Variants in FMN2 observed in about 807,000 individuals in gnomAD.
FMN2 encodes the protein formin 2, also known as formin-2.
In FMN2, 51 loss-of-function variants were observed where a neutral mutation model predicts 142.3. The ratio of observed to expected loss-of-function variants is 0.36; its 90% CI spans 0.29 to 0.45. The LOEUF is 0.45. Ranked by LOEUF, FMN2 falls within the 20% of genes least tolerant of loss-of-function variation. The pLI is 1.00. For missense variants in FMN2, 1,936 were observed against 2,122.8 expected, an observed-to-expected ratio of 0.91 and a Z score of 1.73; for synonymous variants, 882 against 869.8, an observed-to-expected ratio of 1.01 and a Z score of -0.25.
At chr1:240,425,234 A>AGAGAGAGC (rs950851004) in intron 15 of FMN2, among the ~76,000 whole-genome samples, 5 of 150,028 alleles carry the variant, frequency 3.3e-5, no homozygotes, top group Admixed American at 3.3e-4. Flanking sequence ...AGAGAGAGAG[A>AGAGAGAGC]GCCGTGAGAC....
At chr1:240,255,864 G>T (rs1158932753) in intron 6 of FMN2, among the ~76,000 whole-genome samples, 1 of 152,098 alleles carries the variant, frequency 6.6e-6, no homozygotes, top group East Asian at 1.9e-4. Flanking sequence ...AGAAATTATA[G>T]GTTATAATGT....
chr1:240,419,426 G>T (rs77766488), intron 15 of FMN2, among the ~76,000 whole-genome samples: 8 of 151,904 alleles, frequency 5.3e-5, no homozygotes, highest in African/African-American at 1.9e-4. Context: ...AAAAAAAAAA[G>T]TGTGAGGGTT....
At chr1:240,354,222 C>A (rs540436488) in intron 13 of FMN2, among the ~76,000 whole-genome samples, 2 of 151,994 alleles carry the variant, frequency 1.3e-5, no homozygotes, top group Non-Finnish European at 1.5e-5. Context: ...GAGGTTTTCA[C>A]AGTAGCCTCA....
intron 13 of FMN2, among the ~76,000 whole-genome samples, chr1:240,345,690 C>T (rs1231610994): frequency 6.6e-6 from 1 of 152,032 alleles, no homozygotes; most frequent in Admixed American, 6.6e-5. Flanking sequence ...GCTGTGTTGG[C>T]CAGGCTGGAC....
intron 4 of FMN2, among the ~76,000 whole-genome samples, chr1:240,196,516 T>C (rs913100498): frequency 6.6e-6 from 1 of 152,084 alleles, no homozygotes; most frequent in African/African-American, 2.4e-5. Flanking sequence ...TTTGGTTTGT[T>C]TGTTTTTGTT....
chr1:240,449,391 C>A (rs906402979), intron 16 of FMN2, among the ~76,000 whole-genome samples: 2 of 152,080 alleles, frequency 1.3e-5, no homozygotes, highest in African/African-American at 4.8e-5. Context: ...CAAGGTTGGC[C>A]TTAGAAACTT....
At chr1:240,358,534 T>C (rs941606712) in intron 14 of FMN2, among the ~76,000 whole-genome samples, 1 of 152,132 alleles carries the variant, frequency 6.6e-6, no homozygotes, top group Non-Finnish European at 1.5e-5. Context: ...TTTAATTGAC[T>C]CACACTTCAG....
At chr1:240,228,510 C>T (rs1349753310) in intron 6 of FMN2, among the ~76,000 whole-genome samples, 2 of 151,756 alleles carry the variant, frequency 1.3e-5, no homozygotes, top group African/African-American at 2.4e-5. Flanking sequence ...GCAAGGATGG[C>T]TATAATCAAA....
chr1:240,172,752 C>T (rs931203366), intron 2 of FMN2, among the ~76,000 whole-genome samples: 1 of 152,066 alleles, frequency 6.6e-6, no homozygotes, highest in Non-Finnish European at 1.5e-5. Context: ...ACCAGATAAC[C>T]TGATACCTTC....
At chr1:240,427,473 G>A (rs894208319) in intron 15 of FMN2, among the ~76,000 whole-genome samples, 1 of 152,106 alleles carries the variant, frequency 6.6e-6, no homozygotes, top group Non-Finnish European at 1.5e-5. Context: ...CCAAAGTGCT[G>A]GGATTACAGG....
chr1:240,096,570 A>G (rs938757592), intron 1 of FMN2, among the ~76,000 whole-genome samples: 3 of 152,162 alleles, frequency 2.0e-5, no homozygotes, highest in African/African-American at 7.2e-5. Context: ...CTTGGGGAAC[A>G]CTGGCATTGT....
At position 240,270,757 on chromosome 1, in the gene FMN2, C is replaced by T. The variant is rs535070521; in HGVS notation, c.4153+12725C>T. ...CAGGGACAGAGAGACAAAATCTCTA[C>T]GATCACATTTATATGTGGAATCTAA... On this transcript the variant is annotated intron_variant, in intron 7 of 17. Transcript: ENST00000319653. 2.5e-3 allele frequency among the ~76,000 whole-genome samples: 386 copies of T among 151,920 alleles called. 1 individual carries two copies. The highest frequency in any genetic ancestry group is 0.022 in the South Asian group (106 of 4,812).
intron 16 of FMN2, among the ~76,000 whole-genome samples, chr1:240,466,074 C>T (rs1477717328): frequency 6.6e-6 from 1 of 152,060 alleles, no homozygotes; most frequent in Non-Finnish European, 1.5e-5. Flanking sequence ...TGTAAATGAG[C>T]CCAGTTATAG....
chr1:240,128,292 T>C (rs545719565), intron 2 of FMN2, among the ~76,000 whole-genome samples: 1 of 152,302 alleles, frequency 6.6e-6, no homozygotes, highest in Admixed American at 6.5e-5. Flanking sequence ...TATGCATATT[T>C]TCCAGCCAAC....
At chr1:240,146,512 G>T (rs1431124465) in intron 2 of FMN2, among the ~76,000 whole-genome samples, 1 of 151,690 alleles carries the variant, frequency 6.6e-6, no homozygotes, top group Non-Finnish European at 1.5e-5. Context: ...AGACCAGGCT[G>T]GCCAACATGG....
intron 8 of FMN2, among the ~76,000 whole-genome samples, chr1:240,302,163 C>G (rs1023154624): frequency 1.3e-5 from 2 of 151,824 alleles, no homozygotes; most frequent in African/African-American, 4.8e-5. Flanking sequence ...CATTTTATTT[C>G]TAATGCTATA....
chr1:240,131,677 C>T (rs1272270216), intron 2 of FMN2, among the ~76,000 whole-genome samples: 1 of 151,992 alleles, frequency 6.6e-6, no homozygotes, highest in African/African-American at 2.4e-5. Context: ...CTATTGCACT[C>T]CAGCCTGGGC....
chr1:240,277,811 AGGTGTGAGCCACAGCGC>A (rs1669269606), intron 7 of FMN2, among the ~76,000 whole-genome samples: 4 of 152,140 alleles, frequency 2.6e-5, no homozygotes, highest in Non-Finnish European at 5.9e-5. Context: ...CTAGGATTAC[AGGTGTGAGCCACAGCGC>A]CTGGCCCGTA....
At chr1:240,440,932 G>C (rs1331728634) in intron 16 of FMN2, among the ~76,000 whole-genome samples, 1 of 151,620 alleles carries the variant, frequency 6.6e-6, no homozygotes, top group African/African-American at 2.4e-5. Context: ...CCCTTCTAAG[G>C]GTGGCGCCCC....
Sources: gnomAD v4.1 joint callset for allele counts (sites outside exome capture counted in the v4.1 genomes callset) on GRCh38, gnomAD v4.1.1 for gene constraint, MANE v1.5 for transcripts, NCBI Gene and HGNC (gene_info 2026-07-23, HGNC 2026-07-21) for gene names.